IMMP2L: variants seen among roughly 807,000 people sequenced by gnomAD.
IMMP2L encodes inner mitochondrial membrane peptidase subunit 2.
IMMP2L carries 18 observed loss-of-function variants against 19.3 expected under a neutral mutation model. The observed-to-expected ratio is 0.93, with a 90% CI of 0.64 to 1.38. IMMP2L has a LOEUF of 1.38. Among genes scored for constraint, IMMP2L ranks in the 40% most tolerant of loss-of-function variants. The probability of loss-of-function intolerance (pLI) is 0.00; values close to 1 mark genes in which losing one functional copy is unlikely to be tolerated. For synonymous variants in IMMP2L, 76 were observed against 73.0 expected, an observed-to-expected ratio of 1.04 and a Z score of -0.21; for missense variants, 233 against 218.2, an observed-to-expected ratio of 1.07 and a Z score of -0.43.
rs767825217 is a variant in IMMP2L at position 110,877,240 on chromosome 7, G to A, written c.408+9353C>T. 1.3e-5 allele frequency among the ~76,000 whole-genome samples: 2 copies of A among 152,160 alleles called. No individual in the cohort carries two copies. The highest frequency in any genetic ancestry group is 2.4e-5 in the African/African-American group (1 of 41,456). The stretch of plus-strand genomic sequence containing the variant: ...GCTGTGCAGAAATTGGCCATTAGCT[G>A]TGTCATGAAACAGCTGTTAAACTCT... On this transcript the variant is annotated intron_variant, in intron 5 of 5. Transcript: ENST00000405709. The surrounding 1 kb of genome is among the most constrained non-coding windows in gnomAD (Gnocchi z 4.0).
At chr7:111,173,235 C>T (rs988485483) in intron 3 of IMMP2L, among the ~76,000 whole-genome samples, 1 of 151,488 alleles carries the variant, frequency 6.6e-6, no homozygotes, top group African/African-American at 2.4e-5. Flanking sequence ...CATCTAAAAC[C>T]TCAGACTCTC....
chr7:111,197,442 A>G (rs546036611), intron 3 of IMMP2L, among the ~76,000 whole-genome samples: 16 of 152,304 alleles, frequency 1.1e-4, no homozygotes, highest in Admixed American at 2.6e-4. Flanking sequence ...CAGCCTGGGC[A>G]ACAGAGCGAG....
intron 3 of IMMP2L, among the ~76,000 whole-genome samples, chr7:111,426,160 A>G (rs1318650746): frequency 2.0e-5 from 3 of 151,134 alleles, no homozygotes; most frequent in African/African-American, 4.9e-5. Context: ...TTTGTTTTAC[A>G]GCTAAAAAAG....
chr7:111,160,989 A>C (rs1235755137), intron 3 of IMMP2L, among the ~76,000 whole-genome samples: 1 of 151,694 alleles, frequency 6.6e-6, no homozygotes, highest in East Asian at 1.9e-4. Flanking sequence ...AAGTTGAAAA[A>C]ATGTCATTAA....
intron 3 of IMMP2L, among the ~76,000 whole-genome samples, chr7:111,181,602 T>A (rs1484475253): frequency 6.6e-6 from 1 of 151,984 alleles, no homozygotes; most frequent in Non-Finnish European, 1.5e-5. Context: ...GAGGAATAAA[T>A]GAAGGTTCTC....
intron 3 of IMMP2L, among the ~76,000 whole-genome samples, chr7:111,372,680 C>T (rs1830358513): frequency 6.6e-6 from 1 of 151,758 alleles, no homozygotes; most frequent in African/African-American, 2.4e-5. Flanking sequence ...GAGCATGGTA[C>T]AGGATGGCAG....
intron 3 of IMMP2L, among the ~76,000 whole-genome samples, chr7:111,117,290 G>C (rs1231327745): frequency 1.3e-5 from 2 of 152,086 alleles, no homozygotes; most frequent in African/African-American, 4.8e-5. Context: ...TATCATGTAA[G>C]TTTGGGATGT....
rs200607982 is a variant in IMMP2L at position 111,294,493 on chromosome 7, AT to A, written c.239+192744del. Among the ~76,000 whole-genome samples the A allele has an allele frequency of 2.5e-3, 383 of 152,102 alleles. 1 individual carries two copies. The highest frequency in any genetic ancestry group is 8.8e-3 in the African/African-American group (367 of 41,560). ...AGCTATAAGTAAAAATAACCCTTATATCTAGGCTGTAATTCTTTTTCCGTGT... is the reference window on the plus strand; with the variant it reads ...AGCTATAAGTAAAAATAACCCTTATACTAGGCTGTAATTCTTTTTCCGTGT... On this transcript the variant is annotated intron_variant, in intron 3 of 5. Coordinates refer to ENST00000405709, the MANE Select transcript of IMMP2L (RefSeq NM_032549.4).
At chr7:110,883,734 T>A (rs988857674) in intron 5 of IMMP2L, among the ~76,000 whole-genome samples, 2 of 152,064 alleles carry the variant, frequency 1.3e-5, no homozygotes, top group East Asian at 3.8e-4. Flanking sequence ...AAATAAATTA[T>A]ATATTTTAGG....
At chr7:111,127,145 G>A (rs1190888094) in intron 3 of IMMP2L, among the ~76,000 whole-genome samples, 1 of 152,176 alleles carries the variant, frequency 6.6e-6, no homozygotes, top group African/African-American at 2.4e-5. Flanking sequence ...ACAACCCGAT[G>A]AATCACTATC....
chr7:111,481,601 T>G (rs1432243441), intron 3 of IMMP2L, among the ~76,000 whole-genome samples: 1 of 151,952 alleles, frequency 6.6e-6, no homozygotes, highest in African/African-American at 2.4e-5. Flanking sequence ...ATATTATGTT[T>G]TTTTTTTTTC....
At chr7:111,525,163 G>A (rs1846721607) in intron 1 of IMMP2L, among the ~76,000 whole-genome samples, 1 of 152,166 alleles carries the variant, frequency 6.6e-6, no homozygotes, top group African/African-American at 2.4e-5. Context: ...TTGAGGAAGA[G>A]GCTGAACTGA....
intron 3 of IMMP2L, among the ~76,000 whole-genome samples, chr7:111,220,208 A>T (rs991943500): frequency 2.0e-5 from 3 of 152,108 alleles, no homozygotes; most frequent in African/African-American, 7.2e-5. Context: ...AAAAAAATGA[A>T]ATCAGTTTCA....
chr7:111,535,395 G>C (rs1221108149), intron 1 of IMMP2L, among the ~76,000 whole-genome samples: 1 of 152,094 alleles, frequency 6.6e-6, no homozygotes, highest in Non-Finnish European at 1.5e-5. Flanking sequence ...TTGTTTTAGT[G>C]AGAGTGTCTA....
intron 3 of IMMP2L, among the ~76,000 whole-genome samples, chr7:111,328,164 TCA>T (rs1185255415): frequency 6.6e-6 from 1 of 151,756 alleles, no homozygotes; most frequent in Non-Finnish European, 1.5e-5. Flanking sequence ...AACAGCTCTC[TCA>T]GAGTATTCTC....
chr7:111,191,911 T>C (rs1441680210), intron 3 of IMMP2L, among the ~76,000 whole-genome samples: 1 of 152,008 alleles, frequency 6.6e-6, no homozygotes, highest in Non-Finnish European at 1.5e-5. Context: ...AACTATGTAG[T>C]AGACGCAGGT....
intron 4 of IMMP2L, among the ~76,000 whole-genome samples, chr7:110,949,111 G>T (rs372022892): frequency 1.5e-4 from 23 of 152,138 alleles, no homozygotes; most frequent in African/African-American, 4.8e-4. Flanking sequence ...GGCACTTCAG[G>T]GTCTCCAGCT....
intron 3 of IMMP2L, chr7:111,391,878 C>A (rs1486523699): frequency 2.8e-6 from 2 of 702,572 alleles, no homozygotes; most frequent in African/African-American, 1.7e-5. Flanking sequence ...GGGATTCCTG[C>A]CCTCTGTTCT....
Position 111,176,384 on chromosome 7 carries a change from G to A in IMMP2L, c.240-212819C>T, listed in dbSNP as rs192867358. ...GAAGCAACCTAGATTTCTATCAACA[G>A]AAGAATGAATAAAGAAAATGTGGTA... is the stretch of plus-strand genomic sequence containing the variant. On this transcript the variant is annotated intron_variant, in intron 3 of 5. Transcript: ENST00000405709. Among the ~76,000 whole-genome samples the A allele has an allele frequency of 1.0e-3, 153 of 152,056 alleles. 1 individual carries two copies. The highest frequency in any genetic ancestry group is 3.5e-3 in the African/African-American group (144 of 41,510).
Sources: gnomAD v4.1 joint callset for allele counts (sites outside exome capture counted in the v4.1 genomes callset) on GRCh38, gnomAD v4.1.1 for gene constraint, Gnocchi (gnomAD v3.1) non-coding constraint, MANE v1.5 for transcripts, NCBI Gene and HGNC (gene_info 2026-07-23, HGNC 2026-07-21) for gene names.